ABCA12: variants seen among roughly 807,000 people sequenced by gnomAD.
ABCA12 encodes the protein glucosylceramide transporter ABCA12.
In ABCA12, 156 loss-of-function variants were observed where a neutral mutation model predicts 293.5. The ratio of observed to expected loss-of-function variants is 0.53; its 90% confidence interval spans 0.47 to 0.61. The LOEUF (loss-of-function observed/expected upper bound fraction) is 0.61. ABCA12 is among the 20% of genes least tolerant of loss of function. ABCA12 has a pLI of 0.00. For missense variants in ABCA12, 2,797 were observed against 3,090.2 expected, an observed-to-expected ratio of 0.91 and a Z score of 2.25; for synonymous variants, 1,063 against 1,108.0, an observed-to-expected ratio of 0.96 and a Z score of 0.81.
intron 2 of ABCA12, among the ~76,000 whole-genome samples, chr2:215,090,443 C>T (rs1020708982): frequency 5.9e-5 from 9 of 152,202 alleles, no homozygotes; most frequent in Non-Finnish European, 1.2e-4. Flanking sequence ...AATTTTAAAT[C>T]AGTTAAGCGG....
At chr2:214,983,543 G>C in intron 29 of ABCA12, 104 bp downstream of exon 29, 1 of 1,009,312 alleles carries the variant, frequency 9.9e-7, no homozygotes, top group East Asian at 2.4e-5. Context: ...ATTATTTCGT[G>C]AGAAAATATT....
rs992573770 is a variant in ABCA12 at position 215,010,354 on chromosome 2, C to A, written c.2449G>T (p.Val817Phe). ...GRILYAPYNP[V>F]TKAIMEKSNV... Reference sequence around the variant, plus strand: ...ACCTTTTCCATTATTGCCTTTGTGACTGGGTTATATGGTGCATACAAAATT... The same window carrying A: ...ACCTTTTCCATTATTGCCTTTGTGAATGGGTTATATGGTGCATACAAAATT... The change falls in exon 18 of 53, where the codon GTC becomes TTC. Residue 817 changes from valine to phenylalanine, a missense_variant. Val to Phe is a conservative substitution (Grantham distance 50). Transcript: ENST00000272895. The A allele has an allele frequency of 9.9e-6, 16 of 1,613,580 alleles. 1 individual carries two copies. Among genetic ancestry groups the A allele is most frequent in the East Asian group, 2.2e-5 (1 of 44,860 alleles).
At chr2:215,086,309 G>A (rs1442865491) in intron 2 of ABCA12, among the ~76,000 whole-genome samples, 1 of 152,208 alleles carries the variant, frequency 6.6e-6, no homozygotes, top group Non-Finnish European at 1.5e-5. Flanking sequence ...AACTTTTGAA[G>A]TTACCAAATC....
At chr2:215,016,220 A>T (rs1700494765) in intron 14 of ABCA12, among the ~76,000 whole-genome samples, 1 of 152,032 alleles carries the variant, frequency 6.6e-6, no homozygotes, top group African/African-American at 2.4e-5. Flanking sequence ...TTGCCTGAAC[A>T]GCTGGGTGAA....
Position 214,953,934 on chromosome 2 carries a change from C to G in ABCA12, c.6567G>C (p.Met2189Ile). The stretch of plus-strand genomic sequence containing the variant: ...TGCCCTGAGAAACCAAAGCCACAAA[C>G]ATTGCACCTAGTTTATTCATCTCAA... ...ETFEMNKLGA[M>I]FVALVSQGTM... Residue 2189 changes from methionine to isoleucine, a missense_variant, in exon 44 of 53, where the codon ATG (methionine) becomes ATC (isoleucine). Physicochemically the swap from Met to Ile is conservative, Grantham distance 10 (BLOSUM62 1). Coordinates refer to ENST00000272895, the MANE Select transcript of ABCA12 (RefSeq NM_173076.3). The G allele has an allele frequency of 6.2e-7, 1 of 1,614,078 alleles. No individual in the cohort carries two copies. The highest frequency in any genetic ancestry group is 8.5e-7 in the Non-Finnish European group (1 of 1,179,974).
intron 2 of ABCA12, among the ~76,000 whole-genome samples, chr2:215,089,219 T>G (rs534860550): frequency 2.6e-5 from 4 of 152,184 alleles, no homozygotes; most frequent in Admixed American, 6.6e-5. Context: ...CAGGCCTTAT[T>G]TATGCTCAGT....
chr2:214,947,966 T>A (rs1319174429), intron 47 of ABCA12: 1 of 253,648 alleles, frequency 3.9e-6, no homozygotes, highest in East Asian at 9.6e-5. Flanking sequence ...TCACAAAGGC[T>A]TTCAATCTAT....
At chr2:214,948,573 T>C (rs1329081044) in intron 47 of ABCA12, 23 bp downstream of exon 47, 9 of 1,613,258 alleles carry the variant, frequency 5.6e-6, no homozygotes, top group Non-Finnish European at 7.6e-6. Context: ...TCAAATTAAG[T>C]AATTTTTCAC....
chr2:215,134,243 T>C (rs1703125458), intron 1 of ABCA12, among the ~76,000 whole-genome samples: 1 of 149,520 alleles, frequency 6.7e-6, no homozygotes, highest in African/African-American at 2.4e-5. Context: ...TATGTATATG[T>C]GTATATATGT....
chr2:214,956,854 G>C (rs1321771600), intron 41 of ABCA12, 76 bp from the exon 42 acceptor site: 7 of 994,468 alleles, frequency 7.0e-6, no homozygotes, highest in Non-Finnish European at 1.1e-5. Context: ...AACCCATCTA[G>C]TTTAAAACTG....
intron 47 of ABCA12, 58 bp from the exon 48 acceptor site, chr2:214,947,614 C>T: frequency 6.3e-7 from 1 of 1,579,260 alleles, no homozygotes; most frequent in South Asian, 1.2e-5. Context: ...CCTTAAAGCA[C>T]TAAATGGAAA....
chr2:214,963,938 A>AAAC lies in ABCA12; in HGVS notation c.5884+2909_5884+2910insGTT, dbSNP rs1251766093. On this transcript the variant is annotated intron_variant, in intron 39 of 52. Transcript: ENST00000272895. ...GACTCTGCCTCAAAAAAAAAAAAAA[A>AAAC]AAAAAAACTTCAGGCCAATATCCTT... Among the ~76,000 whole-genome samples the AAAC allele has an allele frequency of 9.8e-4, 149 of 151,420 alleles. 4 individuals are homozygous for AAAC. The highest frequency in any genetic ancestry group is 3.3e-3 in the African/African-American group (136 of 41,330).
chr2:214,964,277 A>G, intron 39 of ABCA12, among the ~76,000 whole-genome samples: 1 of 152,214 alleles, frequency 6.6e-6, no homozygotes, highest in Non-Finnish European at 1.5e-5. Flanking sequence ...TATCATACTG[A>G]ATGGGCAAAA....
rs1460053646 is a variant in ABCA12 at position 215,015,476 on chromosome 2, C to T, written c.1956+14G>A. ...AACCATGAATATAAACATATTTAAC[C>T]AACAGCAACTTGCCTTGTATGTGAA... is the stretch of plus-strand genomic sequence containing the variant. On this transcript the variant is annotated intron_variant, in intron 15 of 52. Coordinates refer to ENST00000272895, the MANE Select transcript of ABCA12 (RefSeq NM_173076.3). 1.9e-6 allele frequency: 3 copies of T among 1,610,844 alleles called. No individual in the cohort carries two copies. Among genetic ancestry groups the T allele is most frequent in the Admixed American group, 3.3e-5 (2 of 59,976 alleles).
chr2:215,033,200 T>C (rs1700916637), intron 8 of ABCA12, among the ~76,000 whole-genome samples: 1 of 152,180 alleles, frequency 6.6e-6, no homozygotes, highest in African/African-American at 2.4e-5. Context: ...ATGCCCAGAA[T>C]AAACAAACCT....
chr2:215,034,108 A>G (rs1330677224), intron 8 of ABCA12, among the ~76,000 whole-genome samples: 1 of 152,148 alleles, frequency 6.6e-6, no homozygotes. Context: ...ATAATGTACT[A>G]TTTTGCAAAA....
At chr2:215,057,111 A>C (rs977895757) in intron 3 of ABCA12, among the ~76,000 whole-genome samples, 1 of 152,088 alleles carries the variant, frequency 6.6e-6, no homozygotes, top group Non-Finnish European at 1.5e-5. Flanking sequence ...TGGCTGATTA[A>C]ATAAAAAGAG....
At chr2:214,958,156 T>C in intron 41 of ABCA12, 121 bp downstream of exon 41, 3 of 1,352,482 alleles carry the variant, frequency 2.2e-6, no homozygotes, top group Non-Finnish European at 3.1e-6. Flanking sequence ...ATTTTCTTTA[T>C]TTCCTGTCTT....
rs142794443 is a variant in ABCA12 at position 214,978,450 on chromosome 2, G to A, written c.4994C>T (p.Thr1665Ile). Reference protein sequence around the residue: ...TTVEEVFLNLTKESQKNSAMS... With the variant: ...TTVEEVFLNLIKESQKNSAMS... ...AGCACTATTTTTTTGTGACTCTTTGGTCAAGTTCAGAAAGACCTAGAAAGA... is the reference window on the plus strand; with the variant it reads ...AGCACTATTTTTTTGTGACTCTTTGATCAAGTTCAGAAAGACCTAGAAAGA... The change falls in exon 33 of 53, where the codon ACC becomes ATC. Residue 1665 changes from threonine to isoleucine, a missense_variant. By Grantham distance (89) the Thr-to-Ile change is moderately conservative. Coordinates refer to ENST00000272895, the MANE Select transcript of ABCA12 (RefSeq NM_173076.3). The A allele has an allele frequency of 7.9e-5, 127 of 1,613,278 alleles. No homozygotes were observed. Among genetic ancestry groups the A allele is most frequent in the Non-Finnish European group, 1.0e-4 (123 of 1,179,628 alleles).
Sources: allele counts gnomAD v4.1 joint callset (sites outside exome capture counted in the v4.1 genomes callset), GRCh38; gene constraint gnomAD v4.1.1; transcripts MANE v1.5; gene names NCBI Gene and HGNC (gene_info 2026-07-23, HGNC 2026-07-21).